HPSE2: variants seen among roughly 807,000 people sequenced by gnomAD.
HPSE2 encodes the protein inactive heparanase-2.
A neutral mutation model predicts 60.5 loss-of-function variants in HPSE2; 38 were observed. The ratio of observed to expected loss-of-function variants is 0.63; its 90% CI spans 0.48 to 0.82. The LOEUF (loss-of-function observed/expected upper bound fraction) is 0.82. Ranked by LOEUF, HPSE2 falls within the 40% of genes least tolerant of loss-of-function variation. The pLI, the probability that HPSE2 is intolerant of heterozygous loss-of-function variation, is 0.00. For synonymous variants in HPSE2, 295 were observed against 293.2 expected (o/e 1.01, Z -0.06); for missense variants, 713 against 740.4 (o/e 0.96, Z 0.43).
At position 98,557,716 on chromosome 10, in the gene HPSE2, C is replaced by T. The variant is rs143026097; in HGVS notation, c.1320+57188G>A. 1.7e-3 allele frequency among the ~76,000 whole-genome samples: 263 copies of T among 152,160 alleles called. 1 individual carries two copies. Among genetic ancestry groups the T allele is most frequent in the African/African-American group, 6.2e-3 (256 of 41,490 alleles). The stretch of plus-strand genomic sequence containing the variant: ...CTGCAATCCCAGCACTTTGGGAGGC[C>T]GAGGTGGGCGGATCATGAGGTCAAG... On this transcript the variant is annotated intron_variant, in intron 9 of 11. Coordinates refer to ENST00000370552, the MANE Select transcript of HPSE2 (RefSeq NM_021828.5).
At chr10:98,676,038 GA>G (rs35701823) in intron 6 of HPSE2, among the ~76,000 whole-genome samples, 20,796 of 139,198 alleles carry the variant, frequency 0.15, 1,845 homozygotes, top group Admixed American at 0.24. Context: ...CTGCCTCAAA[GA>G]AAAAAAAAAA....
the HPSE2 span, among the ~76,000 whole-genome samples, chr10:99,302,950 T>C: frequency 2.6e-5 from 4 of 151,536 alleles, no homozygotes; most frequent in Admixed American, 6.6e-5. Flanking sequence ...ATAGACACTT[T>C]CATTAGGTGG....
intron 2 of HPSE2, among the ~76,000 whole-genome samples, chr10:99,151,654 G>T (rs914101210): frequency 6.6e-6 from 1 of 152,102 alleles, no homozygotes; most frequent in African/African-American, 2.4e-5. Context: ...ACAATTAATG[G>T]CTGACTTCCT....
intron 9 of HPSE2, among the ~76,000 whole-genome samples, chr10:98,601,978 AG>A (rs1945439711): frequency 6.6e-6 from 1 of 152,182 alleles, no homozygotes; most frequent in South Asian, 2.1e-4. Context: ...TACAGTGACG[AG>A]GACGGGATGC....
At chr10:98,966,798 C>A (rs182609947) in intron 3 of HPSE2, among the ~76,000 whole-genome samples, 2 of 152,296 alleles carry the variant, frequency 1.3e-5, no homozygotes, top group East Asian at 3.9e-4. Context: ...GCACCCAACA[C>A]GTAGAAATGA....
intron 4 of HPSE2, among the ~76,000 whole-genome samples, chr10:98,725,420 A>C (rs1441519259): frequency 6.6e-6 from 1 of 152,220 alleles, no homozygotes; most frequent in Non-Finnish European, 1.5e-5. Context: ...TGGTGCTGGG[A>C]AAACTGGCTA....
chr10:98,885,366 A>T lies in HPSE2; in HGVS notation c.611-141310T>A, dbSNP rs949740306. Among the ~76,000 whole-genome samples the T allele has an allele frequency of 7.9e-5, 12 of 152,314 alleles. No individual in the cohort carries two copies. In the East Asian group the frequency reaches 9.6e-4, roughly 12 times the overall value. On this transcript the variant is annotated intron_variant, in intron 3 of 11. Transcript: ENST00000370552. ...TCTGAACATTGTTGAAGTGACAGCA[A>T]AGTATTTAAAATATTACATAAGCTT...
chr10:98,460,304 T>C (rs1940231724), intron 11 of HPSE2, among the ~76,000 whole-genome samples: 1 of 152,178 alleles, frequency 6.6e-6, no homozygotes, highest in African/African-American at 2.4e-5. Context: ...GACAGAGACA[T>C]AGGTAACACC....
chr10:98,947,875 CT>C (rs1955235346), intron 3 of HPSE2, among the ~76,000 whole-genome samples: 1 of 152,014 alleles, frequency 6.6e-6, no homozygotes, highest in African/African-American at 2.4e-5. Flanking sequence ...CAGGAAGCAC[CT>C]TTCCAGTAAG....
intron 9 of HPSE2, among the ~76,000 whole-genome samples, chr10:98,494,611 A>T (rs908014538): frequency 6.6e-6 from 1 of 152,218 alleles, no homozygotes; most frequent in African/African-American, 2.4e-5. Context: ...TTTTAAGAGA[A>T]GTTACTATTT....
chr10:99,161,498 G>C (rs1240234754), intron 2 of HPSE2, among the ~76,000 whole-genome samples: 1 of 152,108 alleles, frequency 6.6e-6, no homozygotes, highest in African/African-American at 2.4e-5. Context: ...GAAATTTCTG[G>C]AGAACGCATA....
At chr10:98,846,929 C>T (rs1952049434) in intron 3 of HPSE2, among the ~76,000 whole-genome samples, 1 of 152,074 alleles carries the variant, frequency 6.6e-6, no homozygotes, top group South Asian at 2.1e-4. Context: ...ACAAATTCCA[C>T]AAAATTATTC....
At chr10:99,022,316 AG>A (rs761375388) in intron 3 of HPSE2, among the ~76,000 whole-genome samples, 17 of 152,116 alleles carry the variant, frequency 1.1e-4, no homozygotes, top group Non-Finnish European at 1.6e-4. Context: ...CCTAGCCAGA[AG>A]GGAATCACCA....
the HPSE2 span, among the ~76,000 whole-genome samples, chr10:99,298,428 C>G: frequency 1.3e-5 from 2 of 152,248 alleles, no homozygotes; most frequent in Non-Finnish European, 2.9e-5. Flanking sequence ...ATAGGGACAA[C>G]AGCAAGCAAC....
At chr10:98,605,809 T>A (rs1945564380) in intron 9 of HPSE2, among the ~76,000 whole-genome samples, 2 of 152,170 alleles carry the variant, frequency 1.3e-5, no homozygotes. Flanking sequence ...GGACCATACC[T>A]CAGGTTGGTC....
chr10:98,968,267 TC>T (rs1259724269), intron 3 of HPSE2, among the ~76,000 whole-genome samples: 2 of 152,194 alleles, frequency 1.3e-5, no homozygotes, highest in African/African-American at 2.4e-5. Flanking sequence ...ACTGTTTGGA[TC>T]CCCATAGATA....
At chr10:99,034,938 G>T (rs1957577186) in intron 3 of HPSE2, among the ~76,000 whole-genome samples, 1 of 152,180 alleles carries the variant, frequency 6.6e-6, no homozygotes, top group Admixed American at 6.5e-5. Context: ...CCTTTATAGA[G>T]CATTTATCAC....
At position 99,172,654 on chromosome 10, in the gene HPSE2, G is replaced by C. The variant is rs1847356966; in HGVS notation, c.449-28255C>G. Among the ~76,000 whole-genome samples, 4 of 152,276 alleles carry C rather than the reference G, an allele frequency of 2.6e-5. No homozygotes were observed. The South Asian group carries it at 8.3e-4, about 32-fold the overall frequency. On this transcript the variant is annotated intron_variant, in intron 2 of 11. Coordinates refer to ENST00000370552, the MANE Select transcript of HPSE2 (RefSeq NM_021828.5). ...GGGCTTTGGGAGGCCAGGGTGGGGG[G>C]ATCACCTGAGGTCAGAAGTTCCAGA...
chr10:98,852,113 A>ATATATATGTGTGTGTG (rs779720749), intron 3 of HPSE2, among the ~76,000 whole-genome samples: 402 of 91,856 alleles, frequency 4.4e-3, no homozygotes, highest in Middle Eastern at 0.026. Flanking sequence ...GTATATTATG[A>ATATATATGTGTGTGTG]TGTGTGTGTG....
Sources: allele counts gnomAD v4.1 joint callset (sites outside exome capture counted in the v4.1 genomes callset), GRCh38; gene constraint gnomAD v4.1.1; transcripts MANE v1.5; gene names NCBI Gene and HGNC (gene_info 2026-07-23, HGNC 2026-07-21).